FRMD5: variants seen among roughly 807,000 people sequenced by gnomAD.
The protein encoded by FRMD5 is FERM domain containing 5, also known as FERM domain-containing protein 5.
A neutral mutation model predicts 69.0 loss-of-function variants in FRMD5; 20 were observed. The observed-to-expected ratio is 0.29, with a 90% CI of 0.20 to 0.42. The LOEUF (loss-of-function observed/expected upper bound fraction) is 0.42. Ranked by LOEUF, FRMD5 falls within the 10% of genes least tolerant of loss-of-function variation. The pLI is 1.00. For missense variants in FRMD5, 595 were observed against 708.6 expected, an observed-to-expected ratio of 0.84 and a Z score of 1.82; for synonymous variants, 271 against 260.1, an observed-to-expected ratio of 1.04 and a Z score of -0.40.
chr15:44,116,216 T>A (rs1459717537), intron 1 of FRMD5, among the ~76,000 whole-genome samples: 1 of 147,804 alleles, frequency 6.8e-6, no homozygotes, highest in African/African-American at 2.5e-5. Context: ...CTATATATAT[T>A]ATATATATAT....
At chr15:44,016,076 T>C (rs1224618952) in intron 1 of FRMD5, among the ~76,000 whole-genome samples, 1 of 152,156 alleles carries the variant, frequency 6.6e-6, no homozygotes, top group Non-Finnish European at 1.5e-5. Flanking sequence ...AAGCATTATC[T>C]CTTGCTTCAA....
chr15:43,982,941 C>A (rs1469975587), intron 1 of FRMD5, among the ~76,000 whole-genome samples: 2 of 98,286 alleles, frequency 2.0e-5, no homozygotes, highest in East Asian at 6.3e-4. Context: ...TTTTTCCAAT[C>A]TTTTTTTGAG....
At position 43,873,303 on chromosome 15, in the gene FRMD5, T is replaced by C. The variant is rs373750305; in HGVS notation, c.*582A>G. 45 of 1,517,998 alleles carry C rather than the reference T, an allele frequency of 3.0e-5. 1 individual carries two copies. The highest frequency in any genetic ancestry group is 1.5e-4 in the East Asian group (6 of 40,742). 94.0% of individuals were successfully genotyped at this position (1,517,998 alleles called of 1,614,324 possible). A position where few individuals can be genotyped will look rare whatever the true frequency, so the allele number is the denominator to read the frequency against. ...GAAGCAACTTTCCATTTAATCATTC[T>C]ACATGGATGTTTACTTTTTTAAAAG... On this transcript the variant is annotated 3_prime_UTR_variant, in exon 14 of 14. Transcript: ENST00000417257.
chr15:44,049,027 T>C (rs1308586869), intron 1 of FRMD5, among the ~76,000 whole-genome samples: 1 of 152,166 alleles, frequency 6.6e-6, no homozygotes, highest in Admixed American at 6.5e-5. Context: ...TAAAAACAAA[T>C]TGCAATAGTG....
chr15:44,115,216 A>G (rs1217209265), intron 1 of FRMD5, among the ~76,000 whole-genome samples: 1 of 152,024 alleles, frequency 6.6e-6, no homozygotes, highest in African/African-American at 2.4e-5. Context: ...AATACAACAT[A>G]CTCTTCTCAT....
chr15:44,139,727 C>CAAAAA (rs71111842), intron 1 of FRMD5, among the ~76,000 whole-genome samples: 327 of 72,074 alleles, frequency 4.5e-3, no homozygotes, highest in African/African-American at 5.3e-3. Flanking sequence ...CCAGTCTCTA[C>CAAAAA]AAAAAAAAAA....
At chr15:44,129,337 A>G (rs893641465) in intron 1 of FRMD5, among the ~76,000 whole-genome samples, 1 of 152,230 alleles carries the variant, frequency 6.6e-6, no homozygotes, top group African/African-American at 2.4e-5. Context: ...CATTTTGATT[A>G]TAAGTCAGAT....
intron 1 of FRMD5, among the ~76,000 whole-genome samples, chr15:44,162,867 C>CAAAAA (rs371915126): frequency 2.7e-5 from 1 of 37,280 alleles, no homozygotes; most frequent in Non-Finnish European, 5.6e-5. Flanking sequence ...AACTCCGTCT[C>CAAAAA]AAAAAAAAAA....
At chr15:43,905,793 C>A in intron 6 of FRMD5, 35 bp downstream of exon 6, 1 of 1,612,166 alleles carries the variant, frequency 6.2e-7, no homozygotes, top group Non-Finnish European at 8.5e-7. Context: ...TGTGGAGAAG[C>A]CACAATGTTC....
At chr15:43,913,896 G>A (rs1184228388) in intron 4 of FRMD5, among the ~76,000 whole-genome samples, 1 of 152,248 alleles carries the variant, frequency 6.6e-6, no homozygotes, top group Non-Finnish European at 1.5e-5. Context: ...TATTCTCACT[G>A]AGACTAAAGG....
At chr15:43,990,435 A>G (rs1202417914) in intron 1 of FRMD5, among the ~76,000 whole-genome samples, 3 of 152,202 alleles carry the variant, frequency 2.0e-5, no homozygotes, top group African/African-American at 4.8e-5. Context: ...ATTACAGCTT[A>G]CTAACATTAG....
intron 7 of FRMD5, chr15:43,901,852 C>T (rs577668618): frequency 4.0e-5 from 12 of 299,306 alleles, no homozygotes; most frequent in Non-Finnish European, 6.2e-5. Context: ...GGCACTGAGC[C>T]GCCTCTGATC....
intron 1 of FRMD5, among the ~76,000 whole-genome samples, chr15:43,979,104 G>A (rs1284545699): frequency 1.3e-5 from 2 of 152,056 alleles, no homozygotes; most frequent in South Asian, 2.1e-4. Flanking sequence ...TTGGGAGGCC[G>A]AGGCGGGCTG....
At chr15:43,922,477 C>T (rs976222056) in intron 2 of FRMD5, among the ~76,000 whole-genome samples, 1 of 152,128 alleles carries the variant, frequency 6.6e-6, no homozygotes, top group African/African-American at 2.4e-5. Flanking sequence ...GTTTACTTCT[C>T]CTCTTTCCCA....
intron 1 of FRMD5, among the ~76,000 whole-genome samples, chr15:43,979,867 A>G (rs181876513): frequency 4.3e-4 from 65 of 152,354 alleles, no homozygotes; most frequent in Non-Finnish European, 8.2e-4. Flanking sequence ...TTACTTAAAA[A>G]AAATTAAAGA....
chr15:44,074,581 G>A (rs1893679908), intron 1 of FRMD5, among the ~76,000 whole-genome samples: 1 of 151,494 alleles, frequency 6.6e-6, no homozygotes, highest in Non-Finnish European at 1.5e-5. Flanking sequence ...TTGGCTCACT[G>A]CAACCTCCGC....
intron 1 of FRMD5, among the ~76,000 whole-genome samples, chr15:44,142,399 T>C (rs1284414254): frequency 6.6e-6 from 1 of 152,184 alleles, no homozygotes; most frequent in Non-Finnish European, 1.5e-5. Flanking sequence ...GAACACATGG[T>C]AGCATCAAAC....
At chr15:44,048,526 G>C (rs1205899175) in intron 1 of FRMD5, among the ~76,000 whole-genome samples, 1 of 151,930 alleles carries the variant, frequency 6.6e-6, no homozygotes, top group Non-Finnish European at 1.5e-5. Flanking sequence ...TACTTTCTTG[G>C]TGACATTTGC....
chr15:44,139,288 C>T (rs1426446170), intron 1 of FRMD5, among the ~76,000 whole-genome samples: 3 of 145,048 alleles, frequency 2.1e-5, no homozygotes, highest in Non-Finnish European at 3.0e-5. Context: ...TCTATAGCTC[C>T]CCCTCTCTCT....
Sources: gnomAD v4.1 joint callset for allele counts (sites outside exome capture counted in the v4.1 genomes callset) on GRCh38, gnomAD v4.1.1 for gene constraint, MANE v1.5 for transcripts, NCBI Gene and HGNC (gene_info 2026-07-23, HGNC 2026-07-21) for gene names.